FSTL5: variants seen among roughly 807,000 people sequenced by gnomAD.
The protein encoded by FSTL5 is follistatin-related protein 5.
In FSTL5, 62 loss-of-function variants were observed where a neutral mutation model predicts 89.1. The ratio of observed to expected loss-of-function variants is 0.70; its 90% CI spans 0.57 to 0.86. The LOEUF is 0.86. FSTL5 is among the 40% of genes least tolerant of loss of function. FSTL5 has a pLI of 0.00. For synonymous variants in FSTL5, 383 were observed against 346.2 expected, an observed-to-expected ratio of 1.11 and a Z score of -1.18; for missense variants, 1,057 against 1,001.6, an observed-to-expected ratio of 1.06 and a Z score of -0.75.
intron 8 of FSTL5, among the ~76,000 whole-genome samples, chr4:161,581,011 T>TA (rs1322131579): frequency 6.6e-6 from 1 of 151,904 alleles, no homozygotes. Context: ...ACATGGCCAA[T>TA]ACCACCCCCC....
At chr4:162,085,575 A>G (rs2111343962) in intron 2 of FSTL5, among the ~76,000 whole-genome samples, 1 of 152,270 alleles carries the variant, frequency 6.6e-6, no homozygotes, top group Non-Finnish European at 1.5e-5. Flanking sequence ...AGACATCTCC[A>G]GCATCCAATA....
intron 6 of FSTL5, among the ~76,000 whole-genome samples, chr4:161,733,289 C>T (rs1167490415): frequency 6.6e-6 from 1 of 151,730 alleles, no homozygotes; most frequent in African/African-American, 2.4e-5. Flanking sequence ...ATTTTAATTT[C>T]CAGTTGTTTG....
chr4:161,964,447 T>C (rs569257872), intron 3 of FSTL5, among the ~76,000 whole-genome samples: 4 of 152,192 alleles, frequency 2.6e-5, no homozygotes, highest in Admixed American at 2.6e-4. Context: ...CATAGTGCAA[T>C]GAGGCTACAT....
intron 7 of FSTL5, among the ~76,000 whole-genome samples, chr4:161,617,797 T>C (rs753172825): frequency 6.6e-6 from 1 of 152,208 alleles, no homozygotes; most frequent in Admixed American, 6.5e-5. Flanking sequence ...AAAATATTTG[T>C]TGCAGATGAA....
intron 1 of FSTL5, among the ~76,000 whole-genome samples, chr4:162,153,365 G>C (rs1293795251): frequency 6.6e-6 from 1 of 151,764 alleles, no homozygotes; most frequent in Non-Finnish European, 1.5e-5. Context: ...TTATCCCTTA[G>C]TAATACTTTA....
intron 15 of FSTL5, among the ~76,000 whole-genome samples, chr4:161,450,832 C>T (rs1215354275): frequency 2.6e-4 from 39 of 151,488 alleles, no homozygotes; most frequent in Non-Finnish European, 5.9e-5. Flanking sequence ...AAGATCCACC[C>T]TCCCAGGTTC....
chr4:161,865,157 G>A (rs564351511), intron 4 of FSTL5, among the ~76,000 whole-genome samples: 1 of 152,122 alleles, frequency 6.6e-6, no homozygotes, highest in South Asian at 2.1e-4. Flanking sequence ...TATGTATCAA[G>A]TGAAAAGAGA....
chr4:162,158,792 A>G (rs1733581097), intron 1 of FSTL5, among the ~76,000 whole-genome samples: 1 of 152,136 alleles, frequency 6.6e-6, no homozygotes, highest in African/African-American at 2.4e-5. Flanking sequence ...AATAAAATAT[A>G]TATGAATACC....
intron 4 of FSTL5, among the ~76,000 whole-genome samples, chr4:161,856,123 TG>T (rs1731712732): frequency 6.6e-6 from 1 of 152,078 alleles, no homozygotes; most frequent in Non-Finnish European, 1.5e-5. Flanking sequence ...GAAGCAAGAA[TG>T]TAATCTTTTG....
chr4:161,955,805 A>G (rs1735012213), intron 3 of FSTL5, among the ~76,000 whole-genome samples: 1 of 151,902 alleles, frequency 6.6e-6, no homozygotes, highest in African/African-American at 2.4e-5. Flanking sequence ...GGTTTAATTA[A>G]TAATAACTAA....
intron 4 of FSTL5, among the ~76,000 whole-genome samples, chr4:161,851,405 G>A (rs1029651725): frequency 6.6e-6 from 1 of 152,066 alleles, no homozygotes; most frequent in African/African-American, 2.4e-5. Context: ...GTTGTGTCTG[G>A]TTAACTACCT....
chr4:162,096,835 A>G (rs780713265), intron 2 of FSTL5, among the ~76,000 whole-genome samples: 2 of 151,988 alleles, frequency 1.3e-5, no homozygotes, highest in African/African-American at 2.4e-5. Flanking sequence ...TAACGTTAAC[A>G]ATATTCAATT....
intron 2 of FSTL5, among the ~76,000 whole-genome samples, chr4:162,044,901 G>A (rs1560989028): frequency 6.6e-6 from 1 of 152,096 alleles, no homozygotes; most frequent in Non-Finnish European, 1.5e-5. Flanking sequence ...TGAGAATTTT[G>A]CTCCAAATTA....
intron 2 of FSTL5, among the ~76,000 whole-genome samples, chr4:162,045,468 C>A (rs199619453): frequency 6.6e-6 from 1 of 152,000 alleles, no homozygotes; most frequent in East Asian, 1.9e-4. Flanking sequence ...TATCAAAATA[C>A]CACATGTACC....
At chr4:162,029,884 C>T (rs568842651) in intron 3 of FSTL5, among the ~76,000 whole-genome samples, 2 of 149,898 alleles carry the variant, frequency 1.3e-5, no homozygotes, top group East Asian at 1.9e-4. Context: ...ACAAAAATGG[C>T]AATATTGATC....
intron 7 of FSTL5, among the ~76,000 whole-genome samples, chr4:161,623,991 A>G (rs1735226552): frequency 6.6e-6 from 1 of 152,062 alleles, no homozygotes; most frequent in Non-Finnish European, 1.5e-5. Context: ...AGAACACCAT[A>G]TTAATGAATG....
chr4:162,151,653 T>C (rs1275538184), intron 1 of FSTL5, among the ~76,000 whole-genome samples: 6 of 152,134 alleles, frequency 3.9e-5, no homozygotes, highest in African/African-American at 7.2e-5. Context: ...ACTGGGGCAG[T>C]AAAAGCCTGA....
intron 6 of FSTL5, among the ~76,000 whole-genome samples, chr4:161,753,077 C>T (rs527511666): frequency 4.2e-4 from 64 of 152,236 alleles, no homozygotes; most frequent in Middle Eastern, 3.4e-3. Context: ...TTCTGAAGTC[C>T]TCCACTTTTG....
At chr4:161,806,331 G>A (rs781452603) in intron 4 of FSTL5, among the ~76,000 whole-genome samples, 3 of 152,136 alleles carry the variant, frequency 2.0e-5, no homozygotes, top group Non-Finnish European at 4.4e-5. Flanking sequence ...TTTCTGCAGA[G>A]TATGTTGGAG....
Sources: allele counts gnomAD v4.1 joint callset (sites outside exome capture counted in the v4.1 genomes callset), GRCh38; gene constraint gnomAD v4.1.1; transcripts MANE v1.5; gene names NCBI Gene and HGNC (gene_info 2026-07-23, HGNC 2026-07-21).